Variants in PIGN observed in about 807,000 individuals in gnomAD.
PIGN encodes the protein phosphatidylinositol glycan anchor biosynthesis class N, also known as GPI ethanolamine phosphate transferase 1.
In PIGN, 117 loss-of-function variants were observed where a neutral mutation model predicts 125.4. The ratio of observed to expected loss-of-function variants is 0.93; its 90% CI spans 0.80 to 1.09. PIGN has a LOEUF of 1.09. Ranked by LOEUF, PIGN falls within the 50% of genes least tolerant of loss-of-function variation. PIGN has a pLI of 0.00. For missense variants in PIGN, 1,075 were observed against 1,094.9 expected (o/e 0.98, Z 0.26); for synonymous variants, 392 against 377.8 (o/e 1.04, Z -0.44).
chr18:62,093,240 AATTT>A (rs1430906143), intron 23 of PIGN, among the ~76,000 whole-genome samples: 1 of 152,098 alleles, frequency 6.6e-6, no homozygotes, highest in African/African-American at 2.4e-5. Context: ...CAAATAGTAG[AATTT>A]ATTTCCTTTC....
chr18:62,185,254 T>A (rs1283218628), intron 1 of PIGN, among the ~76,000 whole-genome samples: 3 of 152,230 alleles, frequency 2.0e-5, no homozygotes, highest in Non-Finnish European at 2.9e-5. Flanking sequence ...TCCCTTTTGC[T>A]AAGAAATCTC....
At position 62,072,676 on chromosome 18, in the gene PIGN, G is replaced by C; in HGVS notation, c.2669C>G (p.Thr890Arg). The change falls in exon 30 of 31, where the codon ACA (threonine) becomes AGA (arginine). Residue 890 changes from threonine to arginine, a missense_variant. Physicochemically the swap from Thr to Arg is moderately conservative, Grantham distance 71. Around this residue, in one of 3 missense-constraint regions of PIGN, gnomAD observed 915 missense variants for 908.7 expected, o/e 1.01. Transcript: ENST00000640252. ...KDYGSWLDIG[T>R]SISHYVIVMS... ...TGCATGACCATATATACTATACCTT[G>C]TCCCAATATCAAGCCAGCTGCCATA... 1 of 1,602,784 alleles carries C rather than the reference G, an allele frequency of 6.2e-7. No individual in the cohort carries two copies. The highest frequency in any genetic ancestry group is 1.1e-5 in the South Asian group (1 of 89,304).
At chr18:62,106,698 T>C (rs1173885224) in intron 19 of PIGN, 91 bp downstream of exon 19, 1 of 812,296 alleles carries the variant, frequency 1.2e-6, no homozygotes, top group Non-Finnish European at 2.0e-6. Context: ...CATTCTACCC[T>C]TTTCTTTAAA....
intron 7 of PIGN, among the ~76,000 whole-genome samples, chr18:62,152,790 G>A (rs913654383): frequency 2.0e-5 from 3 of 152,098 alleles, no homozygotes; most frequent in Non-Finnish European, 4.4e-5. Context: ...TTAAACCATT[G>A]TTAAGCTGGG....
chr18:62,020,795 TA>T (rs58826066), intron 23 of PIGN, among the ~76,000 whole-genome samples: 2,824 of 140,912 alleles, frequency 0.02, 55 homozygotes, highest in African/African-American at 0.055. Flanking sequence ...CTAAAAATAT[TA>T]AAAAAAAAAA....
intron 20 of PIGN, among the ~76,000 whole-genome samples, chr18:62,104,414 A>G (rs2034561435): frequency 1.3e-5 from 2 of 152,174 alleles, no homozygotes; most frequent in Non-Finnish European, 2.9e-5. Context: ...AAACAATACA[A>G]GAGCTTACAG....
At chr18:62,030,033 G>T (rs2030173517) in intron 23 of PIGN, among the ~76,000 whole-genome samples, 1 of 152,146 alleles carries the variant, frequency 6.6e-6, no homozygotes, top group Non-Finnish European at 1.5e-5. Context: ...TTATTCTCCG[G>T]TCTCAGACTC....
chr18:62,036,207 GTTTTT>G (rs377426262), downstream of PIGN, among the ~76,000 whole-genome samples: 2 of 151,578 alleles, frequency 1.3e-5, no homozygotes, highest in Non-Finnish European at 2.9e-5. Flanking sequence ...GGGAAGATGA[GTTTTT>G]TTTCTTTTTT....
chr18:62,178,734 T>C (rs1447755449), intron 1 of PIGN, among the ~76,000 whole-genome samples: 2 of 152,174 alleles, frequency 1.3e-5, no homozygotes, highest in African/African-American at 4.8e-5. Context: ...GGGTATATAT[T>C]TTTTCATCAA....
At chr18:62,100,556 T>G (rs2034396924) in intron 22 of PIGN, among the ~76,000 whole-genome samples, 1 of 152,192 alleles carries the variant, frequency 6.6e-6, no homozygotes, top group Admixed American at 6.5e-5. Context: ...AAAACCTAAG[T>G]CCTTAAATTA....
At chr18:62,128,488 T>C (rs1222096363) in intron 14 of PIGN, among the ~76,000 whole-genome samples, 3 of 152,064 alleles carry the variant, frequency 2.0e-5, no homozygotes, top group Non-Finnish European at 2.9e-5. Context: ...TTAGAACAGA[T>C]GGGGTCCATA....
chr18:62,041,543 A>G lies in PIGN; in HGVS notation c.*4313T>C, dbSNP rs976726924. On this transcript the variant is annotated 3_prime_UTR_variant, in exon 31 of 31. Transcript: ENST00000640252. ...TCACTTTGTCGCCCAGAGTGGCACCATCTCGGCTCATTGCAAATTCCACCT... is the reference window on the plus strand; with the variant it reads ...TCACTTTGTCGCCCAGAGTGGCACCGTCTCGGCTCATTGCAAATTCCACCT... 1 of 151,992 alleles carries G rather than the reference A, an allele frequency of 6.6e-6. No individual in the cohort carries two copies. The highest frequency in any genetic ancestry group is 1.5e-5 in the Non-Finnish European group (1 of 68,002). 9.4% of individuals were successfully genotyped at this position (151,992 alleles called of 1,614,324 possible).
chr18:62,086,470 A>G (rs1219803294), intron 25 of PIGN, among the ~76,000 whole-genome samples: 1 of 151,978 alleles, frequency 6.6e-6, no homozygotes, highest in Admixed American at 6.6e-5. Flanking sequence ...TACAAAAATT[A>G]GCCGGTCCTG....
chr18:62,118,891 A>C (rs1166647999), intron 14 of PIGN, among the ~76,000 whole-genome samples: 1 of 151,910 alleles, frequency 6.6e-6, no homozygotes, highest in Non-Finnish European at 1.5e-5. Context: ...AGGTGAAAAA[A>C]AAAAAAGGTA....
At chr18:62,077,440 T>A (rs1039925907) in intron 28 of PIGN, among the ~76,000 whole-genome samples, 3 of 152,218 alleles carry the variant, frequency 2.0e-5, no homozygotes, top group African/African-American at 7.2e-5. Flanking sequence ...TAAAAAGTTT[T>A]GATTTTTTAG....
At chr18:62,039,324 T>C (rs2030303909), downstream of PIGN, among the ~76,000 whole-genome samples, 1 of 152,140 alleles carries the variant, frequency 6.6e-6, no homozygotes. Flanking sequence ...TGATTACTAA[T>C]TACTAAAAAC....
intron 1 of PIGN, among the ~76,000 whole-genome samples, chr18:62,167,188 GCT>G (rs148196927): frequency 0.3 from 44,378 of 147,534 alleles, 6,690 homozygotes; most frequent in Middle Eastern, 0.46. Context: ...GAGCAGGAGC[GCT>G]CTCTCTCTCT....
chr18:62,040,532 T>C (rs1028237880), downstream of PIGN, among the ~76,000 whole-genome samples: 2 of 152,214 alleles, frequency 1.3e-5, no homozygotes, highest in African/African-American at 4.8e-5. Context: ...ATTCTCATCA[T>C]GTATCCAGGG....
intron 30 of PIGN, among the ~76,000 whole-genome samples, chr18:62,050,384 G>A (rs1416950222): frequency 1.3e-5 from 2 of 152,068 alleles, no homozygotes; most frequent in Non-Finnish European, 2.9e-5. Flanking sequence ...ATTGAGCAGT[G>A]GTTTGTAGTT....
Sources: allele counts gnomAD v4.1 joint callset (sites outside exome capture counted in the v4.1 genomes callset), GRCh38; gene constraint gnomAD v4.1.1; regional missense constraint gnomAD v4.1.1; transcripts MANE v1.5; gene names NCBI Gene and HGNC (gene_info 2026-07-23, HGNC 2026-07-21).